The following STAC variants were observed in gnomAD, a reference collection of about 807,000 sequenced individuals.
The protein encoded by STAC is SH3 and cysteine-rich domain-containing protein.
A neutral mutation model predicts 48.8 loss-of-function variants in STAC; 43 were observed. The observed-to-expected ratio is 0.88, with a 90% CI of 0.69 to 1.14. The LOEUF is 1.14. STAC is among the 50% of genes most tolerant of loss of function. The pLI is 0.00. For missense variants in STAC, 497 were observed against 504.0 expected, an observed-to-expected ratio of 0.99 and a Z score of 0.13; for synonymous variants, 193 against 179.5, an observed-to-expected ratio of 1.07 and a Z score of -0.60.
intron 1 of STAC, among the ~76,000 whole-genome samples, chr3:36,417,836 T>C (rs1484469194): frequency 1.2e-4 from 19 of 152,232 alleles, no homozygotes; most frequent in Admixed American, 5.2e-4. Context: ...GCCATTCCTT[T>C]GCAGATAATT....
rs369870829 is a variant in STAC, at chr3:36,531,573, G to T, written c.1110+2588G>T. 3.3e-5 allele frequency among the ~76,000 whole-genome samples: 5 copies of T among 152,238 alleles called. No homozygotes were observed. The East Asian group carries it at 9.7e-4, about 29-fold the overall frequency. On this transcript the variant is annotated intron_variant, in intron 10 of 10. Transcript: ENST00000273183. ...GACAGAGTACCAGATGTGATCTAGAGACCTAAGAGGTCTCACCACAGCCCA... is the reference window on the plus strand; with the variant it reads ...GACAGAGTACCAGATGTGATCTAGATACCTAAGAGGTCTCACCACAGCCCA...
intron 10 of STAC, among the ~76,000 whole-genome samples, chr3:36,540,401 C>G (rs79703222): frequency 0.11 from 17,012 of 152,052 alleles, 1,152 homozygotes; most frequent in Non-Finnish European, 0.15. Context: ...AGGTTATGGA[C>G]TCTGGGATAG....
chr3:36,539,215 T>G (rs9814770), intron 10 of STAC, among the ~76,000 whole-genome samples: 15,806 of 152,196 alleles, frequency 0.1, 1,054 homozygotes, highest in East Asian at 0.27. Flanking sequence ...CTTTAACTTT[T>G]ATTTTAAGTT....
intron 1 of STAC, among the ~76,000 whole-genome samples, chr3:36,399,758 A>G (rs1357685318): frequency 1.3e-5 from 2 of 152,184 alleles, no homozygotes; most frequent in African/African-American, 2.4e-5. Context: ...TTTCAATTAA[A>G]TTGACTCATA....
At chr3:36,520,201 G>C (rs1161562060) in intron 8 of STAC, among the ~76,000 whole-genome samples, 2 of 152,078 alleles carry the variant, frequency 1.3e-5, no homozygotes, top group African/African-American at 2.4e-5. Flanking sequence ...GAGTTAGAAT[G>C]GTTAAGTCAC....
In STAC at chr3:36,547,156, A is replaced by T. The variant is rs1207385993; in HGVS notation, c.*867A>T. On this transcript the variant is annotated 3_prime_UTR_variant, in exon 11 of 11. Coordinates refer to ENST00000273183, the MANE Select transcript of STAC (RefSeq NM_003149.3). ...GGACCTGGGGAAGAGACTATCACAAAAAGTCTCCATTTTCATTTTACATCC... is the reference window on the plus strand; with the variant it reads ...GGACCTGGGGAAGAGACTATCACAATAAGTCTCCATTTTCATTTTACATCC... The T allele has an allele frequency of 1.3e-5, 2 of 152,228 alleles. No homozygotes were observed. The highest frequency in any genetic ancestry group is 2.9e-5 in the Non-Finnish European group (2 of 68,060). The allele number at this position is 152,228 out of a possible 1,614,324, so 9.4% of individuals were successfully genotyped here. A position where few individuals can be genotyped will look rare whatever the true frequency, so the allele number is the denominator to read the frequency against.
In STAC at chr3:36,493,092, G is replaced by A. The variant is rs1295870386; in HGVS notation, c.688-59G>A. The A allele has an allele frequency of 3.3e-6, 5 of 1,526,698 alleles. No homozygotes were observed. In the Admixed American group the frequency reaches 6.8e-5, roughly 21 times the overall value. 94.6% of individuals were successfully genotyped at this position (1,526,698 alleles called of 1,614,324 possible). A position where few individuals can be genotyped will look rare whatever the true frequency, so the allele number is the denominator to read the frequency against. On this transcript the variant is annotated intron_variant, in intron 5 of 10. Transcript: ENST00000273183. Reference sequence around the variant, plus strand: ...TAAGCTCTCTTACACCAAAGTATCTGCTCAATTGACCACAGATATAACATT... The same window carrying A: ...TAAGCTCTCTTACACCAAAGTATCTACTCAATTGACCACAGATATAACATT...
Position 36,510,570 on chromosome 3 carries a change from A to G in STAC, c.920+4736A>G, listed in dbSNP as rs1698511251. ...TTGGAAACAACCCAAATGCCCATCAATGATAGATTGGATAAAGAAAATGTT... is the reference window on the plus strand; with the variant it reads ...TTGGAAACAACCCAAATGCCCATCAGTGATAGATTGGATAAAGAAAATGTT... On this transcript the variant is annotated intron_variant, in intron 8 of 10. Coordinates refer to ENST00000273183, the MANE Select transcript of STAC (RefSeq NM_003149.3). 2.0e-5 allele frequency among the ~76,000 whole-genome samples: 3 copies of G among 152,348 alleles called. No homozygotes were observed. In the South Asian group the frequency reaches 6.2e-4, roughly 32 times the overall value.
chr3:36,482,846 C>CAT lies in STAC; in HGVS notation c.389-139_389-138dup, dbSNP rs1210314767. 4 of 613,972 alleles carry CAT rather than the reference C, an allele frequency of 6.5e-6. 1 individual carries two copies. Among genetic ancestry groups the CAT allele is most frequent in the South Asian group, 4.0e-5 (2 of 49,462 alleles). The allele number at this position is 613,972 out of a possible 1,614,324, so 38.0% of individuals were successfully genotyped here. A position where few individuals can be genotyped will look rare whatever the true frequency, so the allele number is the denominator to read the frequency against. On this transcript the variant is annotated intron_variant, in intron 2 of 10. Transcript: ENST00000273183. ...TGCAGGAGAAAGCAAAAGAATCTACCATATATATTTTTTTTCTATTTTGAA... is the reference window on the plus strand; with the variant it reads ...TGCAGGAGAAAGCAAAAGAATCTACCATATATATATTTTTTTTCTATTTTGAA...
At position 36,493,153 on chromosome 3, in the gene STAC, T is replaced by C. The variant is rs373049918; in HGVS notation, c.690T>C (p.Thr230=). The C allele has an allele frequency of 5.0e-6, 8 of 1,612,950 alleles. 1 individual carries two copies. Among genetic ancestry groups the C allele is most frequent in the Middle Eastern group, 3.3e-4 (2 of 6,054 alleles). The change falls in exon 6 of 11, where the codon ACT becomes ACC. Residue 230 remains threonine (T), a splice_region_variant and synonymous_variant. Coordinates refer to ENST00000273183, the MANE Select transcript of STAC (RefSeq NM_003149.3). ...TGCTCTTTCTTCTTTCCTCCAAGACTTCAGATCTTGTGGAGGTTCCTGAGG... is the reference window on the plus strand; with the variant it reads ...TGCTCTTTCTTCTTTCCTCCAAGACCTCAGATCTTGTGGAGGTTCCTGAGG... The part of the protein sequence containing the change: ...SGSDSPHRTS[T]SDLVEVPEEA...
chr3:36,387,061 T>C lies in STAC; in HGVS notation c.111+6307T>C, dbSNP rs191972975. Among the ~76,000 whole-genome samples, 53 of 152,236 alleles carry C rather than the reference T, an allele frequency of 3.5e-4. No individual in the cohort carries two copies. The East Asian group carries it at 0.01, about 29-fold the overall frequency. On this transcript the variant is annotated intron_variant, in intron 1 of 10. Transcript: ENST00000273183. ...ACCAAATTTTGTTACTTTTTCAGTT[T>C]GGGGTTTACCAAACCAACTTTTGCT...
At chr3:36,451,002 CT>C (rs1334295385) in intron 2 of STAC, among the ~76,000 whole-genome samples, 3 of 151,914 alleles carry the variant, frequency 2.0e-5, no homozygotes, top group Non-Finnish European at 4.4e-5. Flanking sequence ...TTTTAGATTT[CT>C]TTTTTGCCCA....
chr3:36,482,599 T>A (rs75774082), intron 2 of STAC, among the ~76,000 whole-genome samples: 2,461 of 152,276 alleles, frequency 0.016, 22 homozygotes, highest in Non-Finnish European at 0.021. Context: ...AACGGCTCAG[T>A]TCCTGTGATA....
intron 2 of STAC, among the ~76,000 whole-genome samples, chr3:36,475,514 T>C (rs1697469262): frequency 6.6e-6 from 1 of 152,180 alleles, no homozygotes; most frequent in South Asian, 2.1e-4. Flanking sequence ...TATTATTACA[T>C]GTGTTTAGGT....
Position 36,485,073 on chromosome 3 carries a change from T to A in STAC, c.571+15T>A. Reference sequence around the variant, plus strand: ...TATGCCCATTGGTGAGTTGGGACATTGATGGGTTGAGTTGAGTTTGAAGCA... The same window carrying A: ...TATGCCCATTGGTGAGTTGGGACATAGATGGGTTGAGTTGAGTTTGAAGCA... On this transcript the variant is annotated intron_variant, in intron 4 of 10. Coordinates refer to ENST00000273183, the MANE Select transcript of STAC (RefSeq NM_003149.3). The A allele has an allele frequency of 1.9e-6, 3 of 1,593,138 alleles. No individual in the cohort carries two copies. The highest frequency in any genetic ancestry group is 2.6e-6 in the Non-Finnish European group (3 of 1,169,540).
chr3:36,497,591 A>G (rs951722408), intron 6 of STAC, among the ~76,000 whole-genome samples: 7 of 152,132 alleles, frequency 4.6e-5, no homozygotes, highest in African/African-American at 1.7e-4. Context: ...ACCCTTTTGA[A>G]ACATATTAAT....
chr3:36,492,034 ATATAT>A (rs1697997348), intron 5 of STAC, among the ~76,000 whole-genome samples: 49 of 34,420 alleles, frequency 1.4e-3, no homozygotes, highest in East Asian at 4.5e-3. Context: ...AAAAAAAAAT[ATATAT>A]ATATATATAT....
At chr3:36,528,454 C>A (rs1240717522) in intron 8 of STAC, among the ~76,000 whole-genome samples, 1 of 144,020 alleles carries the variant, frequency 6.9e-6, no homozygotes, top group Non-Finnish European at 1.5e-5. Context: ...GGCGACAGAG[C>A]GAGACTCTGT....
chr3:36,453,369 G>A (rs1304343765), intron 2 of STAC, among the ~76,000 whole-genome samples: 1 of 152,212 alleles, frequency 6.6e-6, no homozygotes, highest in African/African-American at 2.4e-5. Flanking sequence ...GGGAACCGGG[G>A]CTGCGCGCGG....
Sources: gnomAD v4.1 joint callset for allele counts (sites outside exome capture counted in the v4.1 genomes callset) on GRCh38, gnomAD v4.1.1 for gene constraint, MANE v1.5 for transcripts, NCBI Gene and HGNC (gene_info 2026-07-23, HGNC 2026-07-21) for gene names.